PRMT9: variants seen among roughly 807,000 people sequenced by gnomAD.
PRMT9 encodes protein arginine methyltransferase 9, also known as protein arginine N-methyltransferase 9.
A neutral mutation model predicts 83.2 loss-of-function variants in PRMT9; 59 were observed. The ratio of observed to expected loss-of-function variants is 0.71; its 90% CI spans 0.57 to 0.88. The LOEUF is 0.88. PRMT9 is among the 40% of genes least tolerant of loss of function. The pLI is 0.00. For missense variants in PRMT9, 947 were observed against 1,021.9 expected, an observed-to-expected ratio of 0.93 and a Z score of 1.00; for synonymous variants, 333 against 353.2, an observed-to-expected ratio of 0.94 and a Z score of 0.64.
intron 6 of PRMT9, among the ~76,000 whole-genome samples, chr4:147,663,166 G>A (rs1050300312): frequency 6.6e-6 from 1 of 151,624 alleles, no homozygotes; most frequent in Non-Finnish European, 1.5e-5. Flanking sequence ...CTGCCACCAC[G>A]CCTGGCTACT....
At chr4:147,671,889 T>A in intron 4 of PRMT9, 1 of 456,218 alleles carries the variant, frequency 2.2e-6, no homozygotes. Flanking sequence ...AAACTGACTA[T>A]ACTGGAGAAG....
At chr4:147,661,244 TA>T (rs1734928683) in intron 6 of PRMT9, 1 of 423,532 alleles carries the variant, frequency 2.4e-6, no homozygotes, top group East Asian at 3.5e-5. Flanking sequence ...ATAATAAAAT[TA>T]AGAATGTCTG....
chr4:147,646,501 T>C (rs1733734925), intron 9 of PRMT9, among the ~76,000 whole-genome samples: 1 of 151,990 alleles, frequency 6.6e-6, no homozygotes, highest in Non-Finnish European at 1.5e-5. Context: ...TAGGTAGTCT[T>C]AGGAACCATT....
chr4:147,640,889 T>G (rs2126566566), intron 10 of PRMT9, among the ~76,000 whole-genome samples: 1 of 152,238 alleles, frequency 6.6e-6, no homozygotes, highest in South Asian at 2.1e-4. Flanking sequence ...GCCTAGCTAA[T>G]TTTTGTAGAG....
chr4:147,640,963 T>G (rs1258455891), intron 10 of PRMT9, among the ~76,000 whole-genome samples: 2 of 152,082 alleles, frequency 1.3e-5, no homozygotes, highest in East Asian at 3.9e-4. Flanking sequence ...TCCTCCCACT[T>G]TGGCCTCCCA....
At chr4:147,668,384 T>C (rs892800955) in intron 6 of PRMT9, among the ~76,000 whole-genome samples, 155 bp downstream of exon 6, 3 of 152,220 alleles carry the variant, frequency 2.0e-5, no homozygotes, top group Admixed American at 1.3e-4. Flanking sequence ...TGCTGCCATA[T>C]AAGACGTGCC....
rs114037845 is a variant in PRMT9, at chr4:147,638,102, A to T, written c.*430T>A. The T allele has an allele frequency of 1.6e-3, 326 of 204,394 alleles. 2 individuals carry two copies. The highest frequency in any genetic ancestry group is 7.2e-3 in the African/African-American group (305 of 42,154). 12.7% of individuals were successfully genotyped at this position (204,394 alleles called of 1,614,324 possible). A position where few individuals can be genotyped will look rare whatever the true frequency, so the allele number is the denominator to read the frequency against. Reference sequence around the variant, plus strand: ...TTTCAGATGTACACTGAGTATTTAAAGGAAGCAAGATTGGAATTTACAGGT... The same window carrying T: ...TTTCAGATGTACACTGAGTATTTAATGGAAGCAAGATTGGAATTTACAGGT... On this transcript the variant is annotated 3_prime_UTR_variant, in exon 12 of 12. Transcript: ENST00000322396.
At chr4:147,649,192 G>C (rs1733934982) in intron 9 of PRMT9, among the ~76,000 whole-genome samples, 1 of 151,546 alleles carries the variant, frequency 6.6e-6, no homozygotes, top group Non-Finnish European at 1.5e-5. Context: ...AGAAGAGGGA[G>C]AGAGAGAGAG....
intron 9 of PRMT9, among the ~76,000 whole-genome samples, chr4:147,647,989 G>A (rs1578882826): frequency 1.4e-4 from 1 of 7,334 alleles, no homozygotes; most frequent in African/African-American, 1.5e-4. Flanking sequence ...TTATATTTAC[G>A]GATTTATTAC....
At chr4:147,656,771 C>CA (rs1023416920) in intron 8 of PRMT9, among the ~76,000 whole-genome samples, 30,360 of 47,898 alleles carry the variant, frequency 0.63, 10,500 homozygotes, top group Non-Finnish European at 0.75. Flanking sequence ...GACTCTGTCT[C>CA]AAAAAAAAAA....
intron 2 of PRMT9, among the ~76,000 whole-genome samples, chr4:147,677,845 A>C (rs1381078661): frequency 6.6e-6 from 1 of 152,202 alleles, no homozygotes; most frequent in Non-Finnish European, 1.5e-5. Context: ...ACGATCCAAA[A>C]TTGTAATAAA....
chr4:147,662,653 G>T (rs1366337707), intron 6 of PRMT9, among the ~76,000 whole-genome samples: 1 of 152,036 alleles, frequency 6.6e-6, no homozygotes, highest in Non-Finnish European at 1.5e-5. Flanking sequence ...AAATAAAATA[G>T]CCAGGTATGG....
intron 2 of PRMT9, among the ~76,000 whole-genome samples, chr4:147,677,035 C>T (rs1736133545): frequency 7.1e-6 from 1 of 140,550 alleles, no homozygotes. Context: ...CAAAGCAAGA[C>T]TCCGTCTCAA....
chr4:147,668,389 C>T (rs1221364402), intron 6 of PRMT9, 150 bp downstream of exon 6: 7 of 653,378 alleles, frequency 1.1e-5, no homozygotes, highest in African/African-American at 5.4e-5. Flanking sequence ...CCATATAAGA[C>T]GTGCCTGCTT....
chr4:147,680,957 G>A (rs1054404112), intron 1 of PRMT9, among the ~76,000 whole-genome samples: 1 of 152,244 alleles, frequency 6.6e-6, no homozygotes, highest in Non-Finnish European at 1.5e-5. Context: ...TCCAGCCATT[G>A]CAAATGTAGT....
chr4:147,678,206 T>G (rs1324958020), intron 2 of PRMT9, among the ~76,000 whole-genome samples: 1 of 152,192 alleles, frequency 6.6e-6, no homozygotes, highest in Non-Finnish European at 1.5e-5. Flanking sequence ...ACTTAGGAAT[T>G]TTGTAGTTCA....
intron 9 of PRMT9, among the ~76,000 whole-genome samples, chr4:147,645,043 TAAA>T (rs2126575130): frequency 6.6e-6 from 1 of 152,348 alleles, no homozygotes; most frequent in Non-Finnish European, 1.5e-5. Context: ...ACTCCTAAGT[TAAA>T]TAGAGTAAGA....
chr4:147,647,627 ATTC>A (rs1427809057), intron 9 of PRMT9, among the ~76,000 whole-genome samples: 2 of 151,392 alleles, frequency 1.3e-5, no homozygotes, highest in Non-Finnish European at 2.9e-5. Context: ...AGTTCAGGCG[ATTC>A]TTCTGCCTCA....
intron 8 of PRMT9, 147 bp downstream of exon 8, chr4:147,657,645 C>A: frequency 4.6e-6 from 3 of 651,396 alleles, no homozygotes; most frequent in Non-Finnish European, 5.5e-6. Context: ...TTTCAAATTT[C>A]TTTTGAAAAA....
Sources: gnomAD v4.1 joint callset for allele counts (sites outside exome capture counted in the v4.1 genomes callset) on GRCh38, gnomAD v4.1.1 for gene constraint, MANE v1.5 for transcripts, NCBI Gene and HGNC (gene_info 2026-07-23, HGNC 2026-07-21) for gene names.